Variants in LGR4 observed in about 807,000 individuals in gnomAD.
The protein encoded by LGR4 is leucine-rich repeat-containing G protein-coupled receptor 4.
Under a neutral mutation model 84.8 loss-of-function variants are expected in LGR4, and 44 were observed. The observed-to-expected ratio is 0.52, with a 90% CI of 0.41 to 0.67. The LOEUF (loss-of-function observed/expected upper bound fraction) is 0.67. LGR4 is among the 30% of genes least tolerant of loss of function. LGR4 has a pLI of 0.00. For synonymous variants in LGR4, 429 were observed against 434.3 expected, an observed-to-expected ratio of 0.99 and a Z score of 0.15; for missense variants, 1,032 against 1,131.4, an observed-to-expected ratio of 0.91 and a Z score of 1.26.
At chr11:27,410,324 A>G (rs1863686689) in intron 2 of LGR4, among the ~76,000 whole-genome samples, 1 of 152,122 alleles carries the variant, frequency 6.6e-6, no homozygotes, top group Non-Finnish European at 1.5e-5. Flanking sequence ...TATTCTTGGG[A>G]AGTGATTTCT....
chr11:27,459,480 CTT>C (rs1006316656), intron 1 of LGR4, among the ~76,000 whole-genome samples: 22 of 141,598 alleles, frequency 1.6e-4, no homozygotes, highest in Non-Finnish European at 1.9e-4. Context: ...AGGGCAAATT[CTT>C]TTTTTTTTTT....
In LGR4 at chr11:27,368,561, A is replaced by G. The variant is rs1193305961; in HGVS notation, c.2162T>C (p.Met721Thr). The change falls in exon 18 of 18, where the codon ATG (methionine) becomes ACG (threonine). Residue 721 changes from methionine (M) to threonine (T), a missense_variant. Transcript: ENST00000379214. ...VLLNSLAFLL[M>T]AVIYTKLYCN... ...GTATAGTTTAGTGTAGATAACGGCC[A>G]TTAATAAAAATGCTAGTGAGTTTAA... The G allele has an allele frequency of 7.5e-6, 12 of 1,610,354 alleles. No homozygotes were observed. Among genetic ancestry groups the G allele is most frequent in the Non-Finnish European group, 1.0e-5 (12 of 1,178,452 alleles).
chr11:27,420,005 T>C (rs1315676201), intron 1 of LGR4, among the ~76,000 whole-genome samples: 1 of 152,166 alleles, frequency 6.6e-6, no homozygotes, highest in African/African-American at 2.4e-5. Flanking sequence ...TTGATTTTGA[T>C]AGCAGTTACA....
chr11:27,402,461 A>C (rs994661227), intron 2 of LGR4, among the ~76,000 whole-genome samples: 4 of 152,184 alleles, frequency 2.6e-5, no homozygotes, highest in Non-Finnish European at 5.9e-5. Context: ...GCAACTCCAT[A>C]AATCAGCCCT....
chr11:27,368,163 T>C lies in LGR4; in HGVS notation c.2560A>G (p.Asn854Asp). 1.2e-6 allele frequency: 2 copies of C among 1,614,264 alleles called. No homozygotes were observed. The highest frequency in any genetic ancestry group is 1.7e-5 in the Admixed American group (1 of 60,032). The change falls in exon 18 of 18, where the codon AAC (asparagine) becomes GAC (aspartate). Residue 854 changes from asparagine (N) to aspartate (D), a missense_variant. Transcript: ENST00000379214. ...DCGMYSHLQG[N>D]LTVCDCCESF... ...TCGCAGCAGTCGCAAACAGTCAGGTTGCCCTGCAAATGTGAGTACATGCCA... is the reference window on the plus strand; with the variant it reads ...TCGCAGCAGTCGCAAACAGTCAGGTCGCCCTGCAAATGTGAGTACATGCCA...
intron 6 of LGR4, among the ~76,000 whole-genome samples, chr11:27,383,061 G>C (rs1863127656): frequency 6.6e-6 from 1 of 152,058 alleles, no homozygotes; most frequent in Admixed American, 6.6e-5. Context: ...AGAAGGACCA[G>C]GGTAGATTCA....
rs145459123 is a variant in LGR4, at chr11:27,409,937, G to A, written c.257+2852C>T. On this transcript the variant is annotated intron_variant, in intron 2 of 17. Coordinates refer to ENST00000379214, the MANE Select transcript of LGR4 (RefSeq NM_018490.5). ...ACACGTCTTCACTATGATGCAACAA[G>A]TGTTAGTTTCATTTCTCCCCCTAGA... 5.9e-5 allele frequency among the ~76,000 whole-genome samples: 9 copies of A among 152,198 alleles called. No homozygotes were observed. The East Asian group carries it at 1.7e-3, about 29-fold the overall frequency.
chr11:27,370,322 C>T (rs1053358152), intron 17 of LGR4, among the ~76,000 whole-genome samples: 1 of 152,174 alleles, frequency 6.6e-6, no homozygotes, highest in Admixed American at 6.5e-5. Context: ...AGAGAAAGCT[C>T]GTTATCACCT....
chr11:27,388,334 T>C (rs1863223341), intron 4 of LGR4, among the ~76,000 whole-genome samples: 1 of 152,138 alleles, frequency 6.6e-6, no homozygotes, highest in Non-Finnish European at 1.5e-5. Flanking sequence ...TCTATTCTAT[T>C]AGTATTCACC....
Position 27,366,790 on chromosome 11 carries a change from TA to T in LGR4, c.*1076del, listed in dbSNP as rs1299274201. 3 of 152,192 alleles carry T rather than the reference TA, an allele frequency of 2.0e-5. No homozygotes were observed. Among genetic ancestry groups the T allele is most frequent in the Non-Finnish European group, 4.4e-5 (3 of 67,990 alleles). The allele number at this position is 152,192 out of a possible 1,614,324, so 9.4% of individuals were successfully genotyped here. ...CTGAGCTATTGAATAGGCTCTTTTA[TA>T]AAAAATAGTATGGGGAAGATGTATG... On this transcript the variant is annotated 3_prime_UTR_variant, in exon 18 of 18. Coordinates refer to ENST00000379214, the MANE Select transcript of LGR4 (RefSeq NM_018490.5).
chr11:27,439,306 G>C (rs1864261614), intron 1 of LGR4, among the ~76,000 whole-genome samples: 1 of 152,124 alleles, frequency 6.6e-6, no homozygotes, highest in Non-Finnish European at 1.5e-5. Context: ...TATATGAATG[G>C]AATTATACAG....
chr11:27,411,660 T>G (rs1005855022), intron 2 of LGR4, among the ~76,000 whole-genome samples: 2 of 152,146 alleles, frequency 1.3e-5, no homozygotes, highest in African/African-American at 4.8e-5. Context: ...AGAGAATAAT[T>G]TGACCTAGCT....
chr11:27,367,952 T>C lies in LGR4; in HGVS notation c.2771A>G (p.Gln924Arg). ...GTAGAAGCAGGCTCGTCCACAGGCC[T>C]GCACCTGGTCAGAACTGTCTGAGAC... Reference protein sequence around the residue: ...SFVSDSSDQVQACGRACFYQS... With the variant: ...SFVSDSSDQVRACGRACFYQS... The change falls in exon 18 of 18, where the codon CAG (glutamine) becomes CGG (arginine). Residue 924 changes from glutamine (Q) to arginine (R), a missense_variant. Physicochemically the swap from Gln to Arg is conservative, Grantham distance 43 (BLOSUM62 1). Transcript: ENST00000379214. The C allele has an allele frequency of 6.2e-7, 1 of 1,614,138 alleles. No individual in the cohort carries two copies. Among genetic ancestry groups the C allele is most frequent in the Non-Finnish European group, 8.5e-7 (1 of 1,179,966 alleles).
intron 1 of LGR4, among the ~76,000 whole-genome samples, chr11:27,448,675 T>C (rs192400136): frequency 6.6e-5 from 10 of 152,322 alleles, no homozygotes; most frequent in African/African-American, 2.4e-4. Flanking sequence ...TATTTTGTCA[T>C]GAAACACTAA....
intron 5 of LGR4, 59 bp from the exon 6 acceptor site, chr11:27,384,466 T>C: frequency 8.8e-7 from 1 of 1,138,086 alleles, no homozygotes; most frequent in Middle Eastern, 2.4e-4. Context: ...ACTATTATCA[T>C]TGTTTTATAT....
intron 1 of LGR4, among the ~76,000 whole-genome samples, chr11:27,462,554 T>C (rs374309744): frequency 2.5e-4 from 38 of 152,328 alleles, no homozygotes; most frequent in African/African-American, 8.9e-4. Context: ...GCACAGTGGC[T>C]CACCTGTGAA....
chr11:27,428,445 G>A (rs1166603859), intron 1 of LGR4, among the ~76,000 whole-genome samples: 1 of 152,036 alleles, frequency 6.6e-6, no homozygotes, highest in African/African-American at 2.4e-5. Flanking sequence ...GGCCTATCTT[G>A]CGCTCTTTTT....
At chr11:27,415,736 G>C (rs899157377) in intron 1 of LGR4, among the ~76,000 whole-genome samples, 1 of 152,068 alleles carries the variant, frequency 6.6e-6, no homozygotes, top group East Asian at 1.9e-4. Flanking sequence ...AGTTGGGTGT[G>C]GGGGCAGTGG....
intron 4 of LGR4, among the ~76,000 whole-genome samples, chr11:27,385,858 C>T (rs1436008002): frequency 6.7e-6 from 1 of 149,934 alleles, no homozygotes; most frequent in Admixed American, 6.6e-5. Context: ...GGCTACTTTG[C>T]TTCCAATGTT....
Sources: allele counts gnomAD v4.1 joint callset (sites outside exome capture counted in the v4.1 genomes callset), GRCh38; gene constraint gnomAD v4.1.1; transcripts MANE v1.5; gene names NCBI Gene and HGNC (gene_info 2026-07-23, HGNC 2026-07-21).